The following PLCB1 variants were observed in gnomAD, a reference collection of about 807,000 sequenced individuals.
PLCB1 encodes phospholipase C beta 1, also known as 1-phosphatidylinositol 4,5-bisphosphate phosphodiesterase beta-1.
Under a neutral mutation model 161.8 loss-of-function variants are expected in PLCB1, and 46 were observed. The observed-to-expected ratio is 0.28, with a 90% confidence interval of 0.22 to 0.36. PLCB1 has a LOEUF of 0.36. Among genes scored for constraint, PLCB1 ranks in the 10% least tolerant of loss-of-function variants. PLCB1 has a pLI of 1.00. For synonymous variants in PLCB1, 517 were observed against 503.7 expected, an observed-to-expected ratio of 1.03 and a Z score of -0.35; for missense variants, 1,016 against 1,472.5, an observed-to-expected ratio of 0.69 and a Z score of 5.07.
At chr20:8,680,651 A>G (rs954104841) in intron 9 of PLCB1, among the ~76,000 whole-genome samples, 1 of 152,148 alleles carries the variant, frequency 6.6e-6, no homozygotes, top group African/African-American at 2.4e-5. Context: ...GGTAGTCTAC[A>G]ATCATATTCT....
chr20:8,297,472 A>G (rs1203550709), intron 2 of PLCB1, among the ~76,000 whole-genome samples: 1 of 152,232 alleles, frequency 6.6e-6, no homozygotes, highest in Non-Finnish European at 1.5e-5. Flanking sequence ...CAAAAGTAGT[A>G]TATGAAAAAG....
At position 8,588,948 on chromosome 20, in the gene PLCB1, C is replaced by A. The variant is rs566248789; in HGVS notation, c.247-39346C>A. 8.5e-5 allele frequency among the ~76,000 whole-genome samples: 13 copies of A among 152,256 alleles called. No homozygotes were observed. The South Asian group carries it at 2.7e-3, about 32-fold the overall frequency. On this transcript the variant is annotated intron_variant, in intron 3 of 31. Coordinates refer to ENST00000338037, the MANE Select transcript of PLCB1 (RefSeq NM_015192.4). ...ACTTGTTCCCACCTCCCATCCCCAG[C>A]ACAAAAATCTACAAACACATATCGG...
intron 2 of PLCB1, among the ~76,000 whole-genome samples, chr20:8,314,294 A>G (rs1399480913): frequency 1.3e-5 from 2 of 152,186 alleles, no homozygotes; most frequent in Non-Finnish European, 2.9e-5. Flanking sequence ...TACTACCAAA[A>G]TAGTTCTTAA....
chr20:8,299,675 T>C (rs543590745), intron 2 of PLCB1, among the ~76,000 whole-genome samples: 1 of 152,316 alleles, frequency 6.6e-6, no homozygotes, highest in South Asian at 2.1e-4. Flanking sequence ...TTCCTCAATC[T>C]TTCCTTTTTA....
chr20:8,506,710 C>A (rs1478362373), intron 3 of PLCB1, among the ~76,000 whole-genome samples: 1 of 152,080 alleles, frequency 6.6e-6, no homozygotes, highest in Non-Finnish European at 1.5e-5. Context: ...TTTCTGTAAG[C>A]CCAGGTTAGT....
chr20:8,428,551 A>G (rs937789948), intron 3 of PLCB1, among the ~76,000 whole-genome samples: 1 of 152,232 alleles, frequency 6.6e-6, no homozygotes, highest in South Asian at 2.1e-4. Context: ...ATGTGTTTAC[A>G]TAAAAGAAAA....
intron 3 of PLCB1, among the ~76,000 whole-genome samples, chr20:8,602,485 G>C (rs1206708208): frequency 6.6e-6 from 1 of 152,154 alleles, no homozygotes; most frequent in African/African-American, 2.4e-5. Context: ...CACAAGCTGT[G>C]TAATACACGA....
intron 31 of PLCB1, among the ~76,000 whole-genome samples, chr20:8,810,707 T>A (rs888034149): frequency 1.3e-5 from 2 of 152,296 alleles, no homozygotes; most frequent in East Asian, 3.9e-4. Context: ...CTCATGCTTA[T>A]AATCCCAGCA....
At chr20:8,711,195 CT>C (rs1475592148) in intron 12 of PLCB1, among the ~76,000 whole-genome samples, 3 of 152,200 alleles carry the variant, frequency 2.0e-5, no homozygotes, top group Admixed American at 6.5e-5. Flanking sequence ...AAAATGCACA[CT>C]TTTAACCAAC....
intron 3 of PLCB1, among the ~76,000 whole-genome samples, chr20:8,514,458 A>G (rs150068982): frequency 0.028 from 4,149 of 150,182 alleles, 183 homozygotes; most frequent in African/African-American, 0.093. Flanking sequence ...AAAAAAAAAA[A>G]AAAAGGAAAA....
chr20:8,871,247 A>T (rs1227549728), intron 31 of PLCB1, among the ~76,000 whole-genome samples: 2 of 152,212 alleles, frequency 1.3e-5, no homozygotes, highest in African/African-American at 4.8e-5. Context: ...CATGTTTTCT[A>T]TCACATCTAC....
intron 25 of PLCB1, among the ~76,000 whole-genome samples, chr20:8,761,404 A>G (rs1485425922): frequency 1.3e-5 from 2 of 152,268 alleles, no homozygotes; most frequent in African/African-American, 2.4e-5. Flanking sequence ...TTACAAGGCT[A>G]TACTTTTATG....
intron 12 of PLCB1, among the ~76,000 whole-genome samples, chr20:8,715,251 T>C (rs141046591): frequency 3.0e-4 from 45 of 152,352 alleles, no homozygotes; most frequent in African/African-American, 1.1e-3. Flanking sequence ...ATTATTGCTT[T>C]TTGAAAGGTC....
chr20:8,743,069 G>A (rs1363675287), intron 23 of PLCB1, among the ~76,000 whole-genome samples: 1 of 152,142 alleles, frequency 6.6e-6, no homozygotes, highest in Admixed American at 6.6e-5. Context: ...CTCTAGCTTG[G>A]ATTTCCAGTA....
intron 11 of PLCB1, among the ~76,000 whole-genome samples, chr20:8,698,352 T>G (rs1990626056): frequency 6.6e-6 from 1 of 152,214 alleles, no homozygotes; most frequent in Non-Finnish European, 1.5e-5. Context: ...TTTTTTTCAC[T>G]TGTAAATTGA....
chr20:8,708,617 T>C (rs1339091974), intron 11 of PLCB1, 53 bp from the exon 12 acceptor site: 28 of 1,062,888 alleles, frequency 2.6e-5, no homozygotes, highest in East Asian at 7.1e-5. Context: ...CTTTCAAGAA[T>C]ATACAGATGA....
At chr20:8,340,477 C>T (rs1363601712) in intron 2 of PLCB1, among the ~76,000 whole-genome samples, 3 of 152,080 alleles carry the variant, frequency 2.0e-5, no homozygotes, top group Non-Finnish European at 1.5e-5. Flanking sequence ...GGCTGGAGTG[C>T]AGTGGCGCGA....
intron 31 of PLCB1, among the ~76,000 whole-genome samples, chr20:8,807,100 G>GT (rs1359025187): frequency 2.0e-5 from 3 of 152,158 alleles, no homozygotes; most frequent in Non-Finnish European, 2.9e-5. Flanking sequence ...AGAGGGTTGC[G>GT]TATGTCTGAG....
chr20:8,696,608 A>G (rs1053444306), intron 10 of PLCB1, among the ~76,000 whole-genome samples: 3 of 152,166 alleles, frequency 2.0e-5, no homozygotes, highest in South Asian at 2.1e-4. Flanking sequence ...AGCAATACCA[A>G]GTCTTCTGCT....
Sources: allele counts gnomAD v4.1 joint callset (sites outside exome capture counted in the v4.1 genomes callset), GRCh38; gene constraint gnomAD v4.1.1; transcripts MANE v1.5; gene names NCBI Gene and HGNC (gene_info 2026-07-23, HGNC 2026-07-21).